The following LIMK1 variants were observed in gnomAD, a reference collection of about 807,000 sequenced individuals.
LIMK1 encodes the protein LIM motif-containing protein kinase.
LIMK1 carries 21 observed loss-of-function variants against 77.6 expected under a neutral mutation model. That is an observed-to-expected ratio of 0.27 (90% CI 0.19 to 0.39). LIMK1 has a LOEUF of 0.39. Ranked by LOEUF, LIMK1 falls within the 10% of genes least tolerant of loss-of-function variation. The pLI is 1.00. For synonymous variants in LIMK1, 358 were observed against 370.0 expected (o/e 0.97, Z 0.37); for missense variants, 696 against 901.6 (o/e 0.77, Z 2.92).
rs782192923 is a variant in LIMK1, at chr7:74,106,027, G to A, written c.714+47G>A. ...GCAGGACGGGAGGTAGTGCCTTCAT[G>A]CCTAGCCCCCTCCCCACTCCACCCC... On this transcript the variant is annotated intron_variant, in intron 6 of 15. Transcript: ENST00000336180. The A allele has an allele frequency of 1.4e-5, 23 of 1,612,934 alleles. No individual in the cohort carries two copies. In the African/African-American group the frequency reaches 2.8e-4, roughly 20 times the overall value.
At chr7:74,086,042 T>C (rs983293196) in intron 2 of LIMK1, among the ~76,000 whole-genome samples, 198 bp downstream of exon 2, 73 of 152,336 alleles carry the variant, frequency 4.8e-4, no homozygotes, top group African/African-American at 1.7e-3. Context: ...GTCATTTTAT[T>C]TATCTATTTT....
At chr7:74,106,696 G>A (rs1030955682) in intron 7 of LIMK1, among the ~76,000 whole-genome samples, 9 of 152,278 alleles carry the variant, frequency 5.9e-5, no homozygotes, top group African/African-American at 9.6e-5. Context: ...GGAGATGGAG[G>A]TTGCAGTGAG....
At chr7:74,085,046 C>T (rs1799109032) in intron 1 of LIMK1, among the ~76,000 whole-genome samples, 1 of 152,174 alleles carries the variant, frequency 6.6e-6, no homozygotes, top group Non-Finnish European at 1.5e-5. Context: ...CTCAGTCTCC[C>T]CTTCTGTACA....
chr7:74,119,999 C>T (rs1799898807), intron 13 of LIMK1, among the ~76,000 whole-genome samples: 1 of 152,186 alleles, frequency 6.6e-6, no homozygotes, highest in Non-Finnish European at 1.5e-5. Flanking sequence ...CCAGGGCGAT[C>T]TAGGGGAGAA....
chr7:74,096,796 G>C, intron 3 of LIMK1, 36 bp downstream of exon 3: 1 of 1,552,860 alleles, frequency 6.4e-7, no homozygotes, highest in Non-Finnish European at 8.7e-7. Context: ...CACCTGGGGT[G>C]GGGGTATCCA....
chr7:74,117,415 G>T (rs1203823003), intron 13 of LIMK1, among the ~76,000 whole-genome samples: 2 of 152,110 alleles, frequency 1.3e-5, no homozygotes, highest in African/African-American at 4.8e-5. Flanking sequence ...CCCATCTGCA[G>T]AGTCCGATGG....
chr7:74,105,835 G>C (rs1554697329), intron 5 of LIMK1, 40 bp from the exon 6 acceptor site: 2 of 1,494,102 alleles, frequency 1.3e-6, no homozygotes, highest in South Asian at 2.3e-5. Flanking sequence ...GGGCTCTGAG[G>C]GACAGGTGGG....
At chr7:74,108,838 GAGA>G in intron 9 of LIMK1, 64 bp from the exon 10 acceptor site, 2 of 1,571,622 alleles carry the variant, frequency 1.3e-6, no homozygotes, top group Non-Finnish European at 1.7e-6. Flanking sequence ...ATGGAAAAGG[GAGA>G]AGCAGACCCA....
At chr7:74,116,107 G>A (rs1390302770) in intron 13 of LIMK1, 149 bp downstream of exon 13, 2 of 815,142 alleles carry the variant, frequency 2.5e-6, no homozygotes, top group Middle Eastern at 2.9e-4. Context: ...AACACACTTA[G>A]TGGCAGCCAG....
chr7:74,094,708 C>A (rs531768862), intron 2 of LIMK1, among the ~76,000 whole-genome samples: 1 of 152,048 alleles, frequency 6.6e-6, no homozygotes, highest in Non-Finnish European at 1.5e-5. Flanking sequence ...CTGTAGACCA[C>A]CCCCCTCACC....
chr7:74,111,927 C>T lies in LIMK1; in HGVS notation c.1345-6C>T. On this transcript the variant is annotated splice_region_variant and splice_polypyrimidine_tract_variant and intron_variant, in intron 11 of 15. Transcript: ENST00000336180. ...TGCCCCCTGACTCCCGTGTCCCCGTCCCTAGGCCTACCTCCACTCCATGAA... is the reference window on the plus strand; with the variant it reads ...TGCCCCCTGACTCCCGTGTCCCCGTTCCTAGGCCTACCTCCACTCCATGAA... 2 of 1,612,582 alleles carry T rather than the reference C, an allele frequency of 1.2e-6. No homozygotes were observed. The highest frequency in any genetic ancestry group is 1.7e-6 in the Non-Finnish European group (2 of 1,179,436).
intron 5 of LIMK1, among the ~76,000 whole-genome samples, chr7:74,102,592 T>C (rs1799488981): frequency 6.8e-6 from 1 of 146,650 alleles, no homozygotes; most frequent in South Asian, 2.2e-4. Flanking sequence ...CAAGTGATCC[T>C]CCCACCTCTG....
chr7:74,094,808 C>G (rs554515564), intron 2 of LIMK1, among the ~76,000 whole-genome samples: 14 of 151,694 alleles, frequency 9.2e-5, no homozygotes, highest in African/African-American at 3.4e-4. Context: ...CCTGACGTGG[C>G]GTCTCCTGCC....
intron 2 of LIMK1, 146 bp from the exon 3 acceptor site, chr7:74,096,476 G>A: frequency 9.6e-7 from 1 of 1,036,942 alleles, no homozygotes; most frequent in Non-Finnish European, 1.4e-6. Context: ...ACTGCAGCCT[G>A]GCGACAGAGC....
At chr7:74,118,447 G>A (rs1799865886) in intron 13 of LIMK1, among the ~76,000 whole-genome samples, 1 of 145,536 alleles carries the variant, frequency 6.9e-6, no homozygotes, top group African/African-American at 2.6e-5. Flanking sequence ...AGCCCGCAAA[G>A]AAGACTATAA....
chr7:74,084,092 G>A (rs2115599216), intron 1 of LIMK1, 47 bp downstream of exon 1: 3 of 1,085,332 alleles, frequency 2.8e-6, no homozygotes, highest in South Asian at 3.2e-5. Context: ...GGGGGTGCCC[G>A]GGGCAGCGTG....
In LIMK1 at chr7:74,121,399, C is replaced by A; in HGVS notation, c.*98C>A. The A allele has an allele frequency of 8.2e-7, 1 of 1,213,930 alleles. No individual in the cohort carries two copies. The highest frequency in any genetic ancestry group is 1.1e-6 in the Non-Finnish European group (1 of 891,562). The allele number at this position is 1,213,930 out of a possible 1,614,324, so 75.2% of individuals were successfully genotyped here. A position where few individuals can be genotyped will look rare whatever the true frequency, so the allele number is the denominator to read the frequency against. ...GGCCCTCAGCTGGGACAGTGGGGAC[C>A]CAGGCTTCTCCTCAGAGCCAGGCCC... On this transcript the variant is annotated 3_prime_UTR_variant, in exon 16 of 16. Transcript: ENST00000336180.
chr7:74,118,377 A>AACACACAC lies in LIMK1; in HGVS notation c.1568-2164_1568-2157dup, dbSNP rs57707215. 6.0e-3 allele frequency among the ~76,000 whole-genome samples: 778 copies of AACACACAC among 130,120 alleles called. 7 individuals carry two copies. Among genetic ancestry groups the AACACACAC allele is most frequent in the East Asian group, 0.011 (49 of 4,280 alleles). 85.4% of individuals were successfully genotyped at this position (130,120 alleles called of 152,430 possible). On this transcript the variant is annotated intron_variant, in intron 13 of 15. Transcript: ENST00000336180. ...GACGACAGAGTGGGACTCTGTGTCAAACACACACACACACACACACACACA... is the reference window on the plus strand; with the variant it reads ...GACGACAGAGTGGGACTCTGTGTCAAACACACACACACACACACACACACACACACACA...
chr7:74,099,225 G>C lies in LIMK1; in HGVS notation c.595G>C (p.Val199Leu), dbSNP rs371341363. The C allele has an allele frequency of 1.9e-6, 3 of 1,605,194 alleles. No homozygotes were observed. Among genetic ancestry groups the C allele is most frequent in the Non-Finnish European group, 2.5e-6 (3 of 1,179,940 alleles). The change falls in exon 5 of 16, where the codon GTC becomes CTC. Residue 199 changes from valine (V) to leucine (L), a missense_variant. Physicochemically the swap from Val to Leu is conservative, Grantham distance 32. Coordinates refer to ENST00000336180, the MANE Select transcript of LIMK1 (RefSeq NM_002314.4). ...PGCGTEHSHT[V>L]RVQGVDPGCM... ...CTGTGGCACCGAGCACTCACACACC[G>C]TCCGCGTCCAGGGGTGAGTGGCCGG...
Sources: allele counts gnomAD v4.1 joint callset (sites outside exome capture counted in the v4.1 genomes callset), GRCh38; gene constraint gnomAD v4.1.1; transcripts MANE v1.5; gene names NCBI Gene and HGNC (gene_info 2026-07-23, HGNC 2026-07-21).